Variants in PHYHIP observed in about 807,000 individuals in gnomAD.
The protein encoded by PHYHIP is phytanoyl-CoA hydroxylase-interacting protein.
In PHYHIP, 7 loss-of-function variants were observed where a neutral mutation model predicts 26.1. The ratio of observed to expected loss-of-function variants is 0.27; its 90% confidence interval spans 0.15 to 0.50. The LOEUF (loss-of-function observed/expected upper bound fraction) is 0.50. Among genes scored for constraint, PHYHIP ranks in the 20% least tolerant of loss-of-function variants. PHYHIP has a pLI of 0.98. For missense variants in PHYHIP, 232 were observed against 454.7 expected (o/e 0.51, Z 4.45); for synonymous variants, 206 against 183.4 (o/e 1.12, Z -1.00).
rs761871337 is a variant in PHYHIP at position 22,221,677 on chromosome 8, C to T, written c.669G>A (p.Ala223=). 7.4e-6 allele frequency: 12 copies of T among 1,612,666 alleles called. No homozygotes were observed. Among genetic ancestry groups the T allele is most frequent in the Admixed American group, 6.7e-5 (4 of 59,806 alleles). Reference sequence around the variant, plus strand: ...AGGCCGTGTACATGCAGTAGAAGTCCGCAAAGTAGAGGTTGGTGCTGGGAT... The same window carrying T: ...AGGCCGTGTACATGCAGTAGAAGTCTGCAAAGTAGAGGTTGGTGCTGGGAT... ...LFNPSTNLYF[A]DFYCMYTAYH... The change falls in exon 5 of 5, where the codon GCG becomes GCA. Residue 223 remains alanine, a synonymous_variant. Transcript: ENST00000454243. The surrounding 1 kb of genome is among the most constrained non-coding windows in gnomAD (Gnocchi z 7.9).
In PHYHIP at chr8:22,221,224, A is replaced by G; in HGVS notation, c.*129T>C. ...CTGTTGCCTCCAATGCCAAGGGGCGAGGGGAGGGCAGCTGGGCAGAGTGGA... is the reference window on the plus strand; with the variant it reads ...CTGTTGCCTCCAATGCCAAGGGGCGGGGGGAGGGCAGCTGGGCAGAGTGGA... On this transcript the variant is annotated 3_prime_UTR_variant, in exon 5 of 5. Transcript: ENST00000454243. This position sits in a 1 kb window ranked among gnomAD's most constrained non-coding sequence, Gnocchi z 7.9. 1 of 874,136 alleles carries G rather than the reference A, an allele frequency of 1.1e-6. No homozygotes were observed. 54.1% of individuals were successfully genotyped at this position (874,136 alleles called of 1,614,324 possible). A position where few individuals can be genotyped will look rare whatever the true frequency, so the allele number is the denominator to read the frequency against.
Position 22,227,126 on chromosome 8 carries a change from C to T in PHYHIP, c.166-101G>A, listed in dbSNP as rs566647778. On this transcript the variant is annotated intron_variant, in intron 2 of 4. Transcript: ENST00000454243. ...CCCCACTCCCCAGATGGCCCTGTTT[C>T]TCCTGAGCAGGACCAATCTTGAGGA... 35 of 1,083,114 alleles carry T rather than the reference C, an allele frequency of 3.2e-5. No homozygotes were observed. The East Asian group carries it at 6.2e-4, about 19-fold the overall frequency. 67.1% of individuals were successfully genotyped at this position (1,083,114 alleles called of 1,614,324 possible).
intron 1 of PHYHIP, among the ~76,000 whole-genome samples, chr8:22,231,478 G>A (rs1346448011): frequency 2.0e-5 from 3 of 152,190 alleles, no homozygotes; most frequent in Non-Finnish European, 1.5e-5. Flanking sequence ...CACACACGCC[G>A]CGCACACCGG....
chr8:22,221,761 G>A lies in PHYHIP; in HGVS notation c.585C>T (p.Pro195=). ...SCNTEFNTGQ[P]PQDSPYGRWR... ...AGCGGCCGTAGGGGGAGTCCTGCGG[G>A]GGCTGGCCCGTGTTGAACTCCGTGT... The change falls in exon 5 of 5, where the codon CCC becomes CCT. Residue 195 remains proline, a synonymous_variant. Transcript: ENST00000454243. The surrounding 1 kb of genome is among the most constrained non-coding windows in gnomAD (Gnocchi z 7.9). 6.2e-7 allele frequency: 1 copy of A among 1,612,974 alleles called. No individual in the cohort carries two copies. Among genetic ancestry groups the A allele is most frequent in the Non-Finnish European group, 8.5e-7 (1 of 1,179,734 alleles).
chr8:22,221,274 A>G lies in PHYHIP; in HGVS notation c.*79T>C. 2.9e-6 allele frequency: 4 copies of G among 1,363,492 alleles called. No homozygotes were observed. The highest frequency in any genetic ancestry group is 3.9e-6 in the Non-Finnish European group (4 of 1,014,002). The allele number at this position is 1,363,492 out of a possible 1,614,324, so 84.5% of individuals were successfully genotyped here. On this transcript the variant is annotated 3_prime_UTR_variant, in exon 5 of 5. Coordinates refer to ENST00000454243, the MANE Select transcript of PHYHIP (RefSeq NM_014759.5). The surrounding 1 kb of genome is among the most constrained non-coding windows in gnomAD (Gnocchi z 7.9). ...AGGGAGCAGGGGGGCAGGAGAGAGA[A>G]AGCCAGCTCCCTGAACCTGGGCTAC...
rs531837585 is a variant in PHYHIP at position 22,227,052 on chromosome 8, C to T, written c.166-27G>A. On this transcript the variant is annotated intron_variant, in intron 2 of 4. Transcript: ENST00000454243. ...TGAGAAACAGGGTACAAACAGAGAG[C>T]CAGGCGTCAAACAGGGGTTCATGCC... 44 of 1,585,968 alleles carry T rather than the reference C, an allele frequency of 2.8e-5. 2 individuals carry two copies. In the South Asian group the frequency reaches 4.7e-4, roughly 17 times the overall value.
At chr8:22,228,123 GGT>G in intron 2 of PHYHIP, 68 bp downstream of exon 2, 2 of 1,281,038 alleles carry the variant, frequency 1.6e-6, no homozygotes, top group Non-Finnish European at 2.3e-6. Flanking sequence ...ATCACTTCCA[GGT>G]GTTCCCTTAT....
intron 3 of PHYHIP, among the ~76,000 whole-genome samples, chr8:22,225,631 CT>C (rs1829727737): frequency 1.3e-5 from 1 of 79,660 alleles, no homozygotes; most frequent in Admixed American, 1.6e-4. Flanking sequence ...CCCATCTCTA[CT>C]AAAAATACAA....
Position 22,220,527 on chromosome 8 carries a change from C to G in PHYHIP, c.*826G>C, listed in dbSNP as rs1161827193. 2 of 152,444 alleles carry G rather than the reference C, an allele frequency of 1.3e-5. No homozygotes were observed. Among genetic ancestry groups the G allele is most frequent in the Non-Finnish European group, 2.9e-5 (2 of 68,240 alleles). The allele number at this position is 152,444 out of a possible 1,614,324, so 9.4% of individuals were successfully genotyped here. A position where few individuals can be genotyped will look rare whatever the true frequency, so the allele number is the denominator to read the frequency against. ...AGAGCATGAGGCGGCCCACTCCCAG[C>G]TGAGGAAGGGGCACCTCTGGGTCTC... On this transcript the variant is annotated 3_prime_UTR_variant, in exon 5 of 5. Coordinates refer to ENST00000454243, the MANE Select transcript of PHYHIP (RefSeq NM_014759.5).
intron 2 of PHYHIP, chr8:22,227,615 C>T (rs753673041): frequency 7.4e-4 from 337 of 456,482 alleles, no homozygotes; most frequent in Non-Finnish European, 1.3e-3. Context: ...CACCCACCCC[C>T]ACACTGGCTT....
intron 1 of PHYHIP, 200 bp from the exon 2 acceptor site, chr8:22,228,586 C>G (rs1829800975): frequency 2.1e-6 from 1 of 487,164 alleles, no homozygotes; most frequent in Non-Finnish European, 3.7e-6. Flanking sequence ...CCGGGGGGCT[C>G]TTTGCTCTCC....
At chr8:22,226,397 G>A (rs1233124889) in intron 3 of PHYHIP, among the ~76,000 whole-genome samples, 1 of 152,144 alleles carries the variant, frequency 6.6e-6, no homozygotes, top group Non-Finnish European at 1.5e-5. Context: ...ATGGGGGGCG[G>A]TTATTTAATG....
Position 22,228,182 on chromosome 8 carries a change from C to A in PHYHIP, c.165+11G>T. The stretch of plus-strand genomic sequence containing the variant: ...AGCTGGGGAGGGGCTCCCAGGACAC[C>A]TTCTACTCACCCGGTGCTTGAACTT... On this transcript the variant is annotated intron_variant, in intron 2 of 4. Transcript: ENST00000454243. 1 of 1,613,276 alleles carries A rather than the reference C, an allele frequency of 6.2e-7. No individual in the cohort carries two copies. The highest frequency in any genetic ancestry group is 1.7e-5 in the Admixed American group (1 of 59,992).
chr8:22,222,281 ACT>A (rs1829647083), intron 4 of PHYHIP, among the ~76,000 whole-genome samples: 1 of 150,998 alleles, frequency 6.6e-6, no homozygotes, highest in African/African-American at 2.4e-5. Context: ...CCTATGCAGG[ACT>A]CTTCCCTCTG....
In PHYHIP at chr8:22,226,480, A is replaced by G. The variant is rs145953073; in HGVS notation, c.340+371T>C. On this transcript the variant is annotated intron_variant, in intron 3 of 4. Coordinates refer to ENST00000454243, the MANE Select transcript of PHYHIP (RefSeq NM_014759.5). ...GTACAACAATGTGAATATACTTAAT[A>G]CCACTGAACTGTACACTTCAAAATG... Among the ~76,000 whole-genome samples, 307 of 152,256 alleles carry G rather than the reference A, an allele frequency of 2.0e-3. 1 individual carries two copies. The highest frequency in any genetic ancestry group is 6.9e-3 in the African/African-American group (285 of 41,540).
chr8:22,230,288 G>A (rs893051968), intron 1 of PHYHIP, among the ~76,000 whole-genome samples: 3 of 151,020 alleles, frequency 2.0e-5, no homozygotes, highest in African/African-American at 7.3e-5. Context: ...ACGCTCGGAG[G>A]CAGCCCACAC....
Position 22,226,978 on chromosome 8 carries a change from C to G in PHYHIP, c.213G>C (p.Thr71=). The change falls in exon 3 of 5, where the codon ACG becomes ACC. Residue 71 remains threonine, a synonymous_variant. Coordinates refer to ENST00000454243, the MANE Select transcript of PHYHIP (RefSeq NM_014759.5). ...GGCTCAGGAACCAGTGGCCTCTCAC[C>G]GTCATGGGCAGCGGCACTGCCTTGG... The part of the protein sequence containing the change: ...LVAKAVPLPM[T]VRGHWFLSPR... 1 of 1,613,882 alleles carries G rather than the reference C, an allele frequency of 6.2e-7. No individual in the cohort carries two copies. The highest frequency in any genetic ancestry group is 8.5e-7 in the Non-Finnish European group (1 of 1,179,982).
chr8:22,221,989 C>T lies in PHYHIP; in HGVS notation c.459-102G>A, dbSNP rs2131919835. On this transcript the variant is annotated intron_variant, in intron 4 of 4. Transcript: ENST00000454243. This position sits in a 1 kb window ranked among gnomAD's most constrained non-coding sequence, Gnocchi z 7.9. The stretch of plus-strand genomic sequence containing the variant: ...TGTGGTCGAGGAGGGAGGAAGCCAG[C>T]CCAGCTCCCAGCCCTCCCCCAGCCG... 3 of 967,700 alleles carry T rather than the reference C, an allele frequency of 3.1e-6. No homozygotes were observed. Among genetic ancestry groups the T allele is most frequent in the African/African-American group, 3.3e-5 (2 of 60,812 alleles). 59.9% of individuals were successfully genotyped at this position (967,700 alleles called of 1,614,324 possible).
chr8:22,228,096 G>C, intron 2 of PHYHIP, 97 bp downstream of exon 2: 1 of 1,003,218 alleles, frequency 1.0e-6, no homozygotes, highest in Non-Finnish European at 1.5e-6. Context: ...ATTTTAACCA[G>C]CCTCTGACTC....
Sources: allele counts gnomAD v4.1 joint callset (sites outside exome capture counted in the v4.1 genomes callset), GRCh38; gene constraint gnomAD v4.1.1; non-coding constraint Gnocchi (gnomAD v3.1); transcripts MANE v1.5; gene names NCBI Gene and HGNC (gene_info 2026-07-23, HGNC 2026-07-21).